Variants in SNTG1 observed in about 807,000 individuals in gnomAD.
The protein encoded by SNTG1 is gamma-1-syntrophin.
A neutral mutation model predicts 74.7 loss-of-function variants in SNTG1; 39 were observed. That is an observed-to-expected ratio of 0.52 (90% CI 0.40 to 0.68). The LOEUF (loss-of-function observed/expected upper bound fraction) is 0.68, where lower values mean the gene tolerates loss of function less well. Ranked by LOEUF, SNTG1 falls within the 30% of genes least tolerant of loss-of-function variation. SNTG1 has a pLI of 0.00. For synonymous variants in SNTG1, 254 were observed against 217.1 expected (o/e 1.17, Z -1.49); for missense variants, 685 against 609.5 (o/e 1.12, Z -1.30).
intron 3 of SNTG1, 71 bp from the exon 4 acceptor site, chr8:50,402,139 C>G: frequency 6.7e-7 from 1 of 1,487,286 alleles, no homozygotes; most frequent in Non-Finnish European, 9.0e-7. Context: ...TTGCTGTAAA[C>G]TGGCCACAAA....
At chr8:50,363,367 G>T (rs556081617) in intron 2 of SNTG1, among the ~76,000 whole-genome samples, 1 of 152,288 alleles carries the variant, frequency 6.6e-6, no homozygotes, top group East Asian at 1.9e-4. Context: ...CTATGTGCAG[G>T]TAGTGGCAGT....
At chr8:50,405,869 T>C (rs1242547092) in intron 4 of SNTG1, among the ~76,000 whole-genome samples, 3 of 152,150 alleles carry the variant, frequency 2.0e-5, no homozygotes, top group Admixed American at 1.3e-4. Context: ...GATATCCAGT[T>C]CAAAATCATG....
At chr8:49,995,613 C>T (rs1814132441) in intron 1 of SNTG1, among the ~76,000 whole-genome samples, 1 of 152,214 alleles carries the variant, frequency 6.6e-6, no homozygotes, top group African/African-American at 2.4e-5. Flanking sequence ...TCCCCTCACA[C>T]ACAAAGTAGC....
chr8:49,952,932 T>C (rs1459190329), intron 1 of SNTG1, among the ~76,000 whole-genome samples: 2 of 152,200 alleles, frequency 1.3e-5, no homozygotes, highest in Non-Finnish European at 1.5e-5. Flanking sequence ...ACTGGTGGCA[T>C]AGGCAGAAAT....
intron 8 of SNTG1, among the ~76,000 whole-genome samples, chr8:50,456,846 G>C (rs573459681): frequency 1.3e-5 from 2 of 152,080 alleles, no homozygotes; most frequent in Non-Finnish European, 2.9e-5. Context: ...CCTAAACCAG[G>C]TCAAATTGGG....
At chr8:50,113,581 C>A (rs1000551423) in intron 1 of SNTG1, among the ~76,000 whole-genome samples, 10 of 152,092 alleles carry the variant, frequency 6.6e-5, no homozygotes, top group Non-Finnish European at 1.3e-4. Flanking sequence ...TTATTTCTTT[C>A]TCCTGCCTGA....
At chr8:50,030,662 T>C (rs773181755) in intron 1 of SNTG1, among the ~76,000 whole-genome samples, 18 of 152,080 alleles carry the variant, frequency 1.2e-4, no homozygotes, top group Non-Finnish European at 2.6e-4. Flanking sequence ...TCAGTACTTA[T>C]GTGTGTCTAT....
chr8:50,640,279 T>G (rs2095064169), intron 13 of SNTG1, among the ~76,000 whole-genome samples: 1 of 152,142 alleles, frequency 6.6e-6, no homozygotes, highest in African/African-American at 2.4e-5. Flanking sequence ...CACTGTCCTA[T>G]TCTGAACATA....
At chr8:50,040,939 C>G (rs767604382) in intron 1 of SNTG1, among the ~76,000 whole-genome samples, 49 of 152,032 alleles carry the variant, frequency 3.2e-4, no homozygotes, top group Non-Finnish European at 7.4e-5. Flanking sequence ...TCTTGTTACC[C>G]AGGCTGGAGT....
intron 1 of SNTG1, among the ~76,000 whole-genome samples, chr8:50,085,350 C>G (rs947641824): frequency 1.3e-5 from 2 of 152,206 alleles, no homozygotes; most frequent in African/African-American, 4.8e-5. Context: ...CTTCTTTCTT[C>G]TCTTCCTTCT....
At chr8:50,648,111 GA>G (rs1342210585) in intron 13 of SNTG1, among the ~76,000 whole-genome samples, 2 of 152,142 alleles carry the variant, frequency 1.3e-5, no homozygotes, top group African/African-American at 4.8e-5. Flanking sequence ...ACGGGAAGGT[GA>G]ATGTTTGACT....
chr8:50,664,987 T>C (rs1042242155), intron 15 of SNTG1, among the ~76,000 whole-genome samples: 3 of 152,144 alleles, frequency 2.0e-5, no homozygotes, highest in South Asian at 2.1e-4. Context: ...GAGCTAGCAA[T>C]AGATTTAGCA....
intron 1 of SNTG1, among the ~76,000 whole-genome samples, chr8:50,068,495 T>G (rs1243819919): frequency 6.6e-6 from 1 of 152,164 alleles, no homozygotes; most frequent in Non-Finnish European, 1.5e-5. Flanking sequence ...GAGCTGGGCT[T>G]GCGCTGCGGG....
At chr8:50,213,543 A>G (rs2084625659) in intron 2 of SNTG1, among the ~76,000 whole-genome samples, 2 of 152,168 alleles carry the variant, frequency 1.3e-5, no homozygotes, top group South Asian at 4.1e-4. Flanking sequence ...CATTAGAAAA[A>G]AATCAAAATT....
At position 50,310,469 on chromosome 8, in the gene SNTG1, A is replaced by G. The variant is rs2044776; in HGVS notation, c.-27-83743A>G. ...TTTGGGAGGTCAAGGTGGATGGGTC[A>G]CCTGAGGTCAGAAGTTCAAGACCAG... is the stretch of plus-strand genomic sequence containing the variant. On this transcript the variant is annotated intron_variant, in intron 2 of 18. Transcript: ENST00000642720. Among the ~76,000 whole-genome samples the G allele has an allele frequency of 1.4e-3, 214 of 152,258 alleles. 1 individual carries two copies. The highest frequency in any genetic ancestry group is 0.014 in the Middle Eastern group (4 of 294).
chr8:50,352,307 G>A (rs1400073340), intron 2 of SNTG1, among the ~76,000 whole-genome samples: 3 of 152,050 alleles, frequency 2.0e-5, no homozygotes, highest in Non-Finnish European at 2.9e-5. Flanking sequence ...GGAACTTTAA[G>A]TGCTTTCTTT....
At chr8:50,503,797 A>G (rs1039555621) in intron 9 of SNTG1, among the ~76,000 whole-genome samples, 7 of 152,314 alleles carry the variant, frequency 4.6e-5, no homozygotes, top group African/African-American at 1.7e-4. Context: ...AGATACCAGC[A>G]CTGTTCCCAG....
chr8:50,796,459 A>G lies in SNTG1; in HGVS notation c.*3630A>G, dbSNP rs1442289287. The G allele has an allele frequency of 6.6e-6, 1 of 151,924 alleles. No homozygotes were observed. The highest frequency in any genetic ancestry group is 1.5e-5 in the Non-Finnish European group (1 of 67,902). The allele number at this position is 151,924 out of a possible 1,614,324, so 9.4% of individuals were successfully genotyped here. ...AATTTGCTTTTGAAAATAAAATATT[A>G]TAAATGTTATATATTTTATACATGT... On this transcript the variant is annotated 3_prime_UTR_variant, in exon 19 of 19. Coordinates refer to ENST00000642720, the MANE Select transcript of SNTG1 (RefSeq NM_018967.5).
At chr8:50,460,455 G>C (rs924892974) in intron 8 of SNTG1, among the ~76,000 whole-genome samples, 3 of 152,018 alleles carry the variant, frequency 2.0e-5, no homozygotes, top group Non-Finnish European at 4.4e-5. Context: ...TCTTTTGATG[G>C]TTTCTTTTGC....
Sources: allele counts gnomAD v4.1 joint callset (sites outside exome capture counted in the v4.1 genomes callset), GRCh38; gene constraint gnomAD v4.1.1; transcripts MANE v1.5; gene names NCBI Gene and HGNC (gene_info 2026-07-23, HGNC 2026-07-21).